Variants in CUL3 observed in about 807,000 individuals in gnomAD.
The protein encoded by CUL3 is cullin-3.
Under a neutral mutation model 89.1 loss-of-function variants are expected in CUL3, and 19 were observed. The observed-to-expected ratio is 0.21, with a 90% CI of 0.15 to 0.31. The LOEUF (loss-of-function observed/expected upper bound fraction) is 0.31, where lower values mean the gene tolerates loss of function less well. CUL3 is among the 10% of genes least tolerant of loss of function. The pLI is 1.00. For missense variants in CUL3, 469 were observed against 942.3 expected (o/e 0.50, Z 6.58); for synonymous variants, 351 against 308.4 (o/e 1.14, Z -1.45).
At chr2:224,493,759 G>T (rs933439237) in intron 13 of CUL3, among the ~76,000 whole-genome samples, 1 of 152,016 alleles carries the variant, frequency 6.6e-6, no homozygotes, top group African/African-American at 2.4e-5. Flanking sequence ...TTACCAAGTA[G>T]CTAATTTTGT....
rs746609772 is a variant in CUL3 at position 224,513,649 on chromosome 2, A to C, written c.540-11T>G. On this transcript the variant is annotated splice_polypyrimidine_tract_variant and intron_variant, in intron 4 of 15. Transcript: ENST00000264414. ...TTTCTTATTGCGCCTCTGTCGAAAA[A>C]AGTTATTATCACTTGATAATTAAAT... The C allele has an allele frequency of 9.2e-6, 14 of 1,529,674 alleles. No homozygotes were observed. Among genetic ancestry groups the C allele is most frequent in the Non-Finnish European group, 1.2e-5 (14 of 1,133,642 alleles). 94.8% of individuals were successfully genotyped at this position (1,529,674 alleles called of 1,614,324 possible). A position where few individuals can be genotyped will look rare whatever the true frequency, so the allele number is the denominator to read the frequency against.
chr2:224,501,446 G>C (rs561726991), intron 10 of CUL3, among the ~76,000 whole-genome samples: 2 of 152,126 alleles, frequency 1.3e-5, no homozygotes, highest in South Asian at 4.2e-4. Context: ...CAACAATAAG[G>C]CACAACAAAA....
At chr2:224,489,026 A>G (rs949451527) in intron 13 of CUL3, among the ~76,000 whole-genome samples, 2 of 152,234 alleles carry the variant, frequency 1.3e-5, no homozygotes, top group African/African-American at 2.4e-5. Context: ...GATTATCTCA[A>G]TAGATGCAGA....
intron 3 of CUL3, among the ~76,000 whole-genome samples, chr2:224,532,243 G>A (rs1243329310): frequency 6.6e-6 from 1 of 152,146 alleles, no homozygotes; most frequent in Non-Finnish European, 1.5e-5. Flanking sequence ...ATAAGGTGAA[G>A]AGAGTGTACC....
At chr2:224,557,591 T>G (rs2106303632) in intron 2 of CUL3, 68 bp downstream of exon 2, 1 of 1,104,040 alleles carries the variant, frequency 9.1e-7, no homozygotes, top group Non-Finnish European at 1.3e-6. Flanking sequence ...CCGGTCAAAG[T>G]GCAATATGGT....
In CUL3 at chr2:224,472,055, TCAAA is replaced by T. The variant is rs1376888563; in HGVS notation, c.*2186_*2189del. 2 of 230,670 alleles carry T rather than the reference TCAAA, an allele frequency of 8.7e-6. No homozygotes were observed. The highest frequency in any genetic ancestry group is 1.7e-5 in the Non-Finnish European group (2 of 116,580). 14.3% of individuals were successfully genotyped at this position (230,670 alleles called of 1,614,324 possible). On this transcript the variant is annotated 3_prime_UTR_variant, in exon 16 of 16. Coordinates refer to ENST00000264414, the MANE Select transcript of CUL3 (RefSeq NM_003590.5). ...ATGACCTAAAATAATACTTATGCAG[TCAAA>T]CATATAAACATTTTGTGTGACCAGT... is the stretch of plus-strand genomic sequence containing the variant.
At chr2:224,535,786 A>C in intron 2 of CUL3, 145 bp from the exon 3 acceptor site, 1 of 640,678 alleles carries the variant, frequency 1.6e-6, no homozygotes, top group Non-Finnish European at 2.8e-6. Flanking sequence ...AAATATTTTA[A>C]GCTATAACCT....
chr2:224,535,235 A>G (rs1693845535), intron 3 of CUL3, among the ~76,000 whole-genome samples: 1 of 152,064 alleles, frequency 6.6e-6, no homozygotes, highest in South Asian at 2.1e-4. Flanking sequence ...TGCCCAAGTG[A>G]GAGTGCAGTG....
At chr2:224,556,730 T>C (rs753132387) in intron 2 of CUL3, among the ~76,000 whole-genome samples, 1 of 152,174 alleles carries the variant, frequency 6.6e-6, no homozygotes, top group Non-Finnish European at 1.5e-5. Context: ...GTAAGATTTC[T>C]TTATTCTTAA....
chr2:224,545,144 A>T (rs553021730), intron 2 of CUL3, among the ~76,000 whole-genome samples: 4 of 152,284 alleles, frequency 2.6e-5, no homozygotes, highest in Non-Finnish European at 5.9e-5. Context: ...AGCTTCTACT[A>T]AGGCCAAGAT....
chr2:224,554,953 T>G (rs970147296), intron 2 of CUL3, among the ~76,000 whole-genome samples: 1 of 152,146 alleles, frequency 6.6e-6, no homozygotes, highest in Admixed American at 6.6e-5. Context: ...CTACTTACTA[T>G]AGTTTGCTCC....
chr2:224,584,944 C>T lies in CUL3; in HGVS notation c.66G>A (p.Pro22=), dbSNP rs1695544763. ...TCCCGGACGCCGAGGAGAGACTCAC[C>T]GGAAAGGCCCGGATCCGCATCTTGG... The part of the protein sequence containing the change: ...KDTKMRIRAF[P]MTMDEKYVNS... The change falls in exon 1 of 16, where the codon CCG becomes CCA. Residue 22 remains proline, a splice_region_variant and synonymous_variant. Coordinates refer to ENST00000264414, the MANE Select transcript of CUL3 (RefSeq NM_003590.5). The T allele has an allele frequency of 6.7e-7, 1 of 1,486,694 alleles. No homozygotes were observed. Among genetic ancestry groups the T allele is most frequent in the Non-Finnish European group, 9.0e-7 (1 of 1,106,526 alleles). The allele number at this position is 1,486,694 out of a possible 1,614,324, so 92.1% of individuals were successfully genotyped here.
intron 3 of CUL3, among the ~76,000 whole-genome samples, chr2:224,528,894 G>C (rs1693582983): frequency 1.3e-5 from 2 of 151,942 alleles, no homozygotes; most frequent in Admixed American, 1.3e-4. Context: ...GAATACCTTT[G>C]CTGTTTGTGA....
At chr2:224,512,113 T>TG (rs2106217489) in intron 5 of CUL3, among the ~76,000 whole-genome samples, 1 of 151,786 alleles carries the variant, frequency 6.6e-6, no homozygotes, top group South Asian at 2.1e-4. Flanking sequence ...TTTTTTTTTT[T>TG]GAGACAGAGT....
At chr2:224,492,477 A>G (rs1372271441) in intron 13 of CUL3, among the ~76,000 whole-genome samples, 1 of 152,190 alleles carries the variant, frequency 6.6e-6, no homozygotes, top group African/African-American at 2.4e-5. Context: ...ATAAAATTAT[A>G]AAAAATAAAG....
At chr2:224,518,201 G>T (rs1368721942) in intron 3 of CUL3, among the ~76,000 whole-genome samples, 1 of 152,024 alleles carries the variant, frequency 6.6e-6, no homozygotes, top group African/African-American at 2.4e-5. Flanking sequence ...TCCTTTTGTG[G>T]TCATTTCATA....
At chr2:224,554,666 G>A (rs550132414) in intron 2 of CUL3, among the ~76,000 whole-genome samples, 48 of 152,322 alleles carry the variant, frequency 3.2e-4, no homozygotes, top group Middle Eastern at 3.4e-3. Context: ...TGTTAGCTAA[G>A]TTAAAACATG....
rs542476889 is a variant in CUL3 at position 224,582,048 on chromosome 2, T to C, written c.66+2896A>G. The stretch of plus-strand genomic sequence containing the variant: ...GGCGCGATCTCAGCTCACTGCAACC[T>C]CGGCCTTACAGGTTCAAGCGATTTT... On this transcript the variant is annotated intron_variant, in intron 1 of 15. Coordinates refer to ENST00000264414, the MANE Select transcript of CUL3 (RefSeq NM_003590.5). 2.0e-5 allele frequency among the ~76,000 whole-genome samples: 3 copies of C among 152,176 alleles called. No individual in the cohort carries two copies. In the East Asian group the frequency reaches 5.8e-4, roughly 29 times the overall value.
chr2:224,574,995 G>A (rs146646795), intron 1 of CUL3, among the ~76,000 whole-genome samples: 86 of 152,336 alleles, frequency 5.6e-4, no homozygotes, highest in African/African-American at 2.0e-3. Context: ...TCTTGGCTGT[G>A]AAAGGAGGTA....
Sources: allele counts gnomAD v4.1 joint callset (sites outside exome capture counted in the v4.1 genomes callset), GRCh38; gene constraint gnomAD v4.1.1; transcripts MANE v1.5; gene names NCBI Gene and HGNC (gene_info 2026-07-23, HGNC 2026-07-21).